The following ATG4B variants were observed in gnomAD, a reference collection of about 807,000 sequenced individuals.
ATG4B encodes the protein autophagy related 4B cysteine peptidase, also known as cysteine protease ATG4B.
ATG4B carries 29 observed loss-of-function variants against 56.6 expected under a neutral mutation model. The observed-to-expected ratio is 0.51, with a 90% CI of 0.38 to 0.70. ATG4B has a LOEUF of 0.70. Among genes scored for constraint, ATG4B ranks in the 30% least tolerant of loss-of-function variants. ATG4B has a pLI of 0.00. For missense variants in ATG4B, 461 were observed against 515.5 expected, an observed-to-expected ratio of 0.89 and a Z score of 1.02; for synonymous variants, 224 against 206.1, an observed-to-expected ratio of 1.09 and a Z score of -0.74.
intron 7 of ATG4B, among the ~76,000 whole-genome samples, chr2:241,665,149 A>G (rs1486276977): frequency 6.6e-6 from 1 of 152,214 alleles, no homozygotes; most frequent in Non-Finnish European, 1.5e-5. Context: ...TCTGTCTCAG[A>G]ATCCTTGTTT....
In ATG4B at chr2:241,668,990, G is replaced by A; in HGVS notation, c.957+305G>A. 2.5e-6 allele frequency: 1 copy of A among 394,518 alleles called. No homozygotes were observed. The highest frequency in any genetic ancestry group is 2.8e-5 in the South Asian group (1 of 35,890). 24.4% of individuals were successfully genotyped at this position (394,518 alleles called of 1,614,324 possible). A position where few individuals can be genotyped will look rare whatever the true frequency, so the allele number is the denominator to read the frequency against. ...CATGGATGAGTGTGAGCCATGGTGA[G>A]TGTGTCCCCCTCACACCTACATTTA... On this transcript the variant is annotated intron_variant, in intron 10 of 12. Transcript: ENST00000404914. The surrounding 1 kb of genome is among the most constrained non-coding windows in gnomAD (Gnocchi z 4.2).
chr2:241,654,190 AGGC>A (rs2125126962), intron 4 of ATG4B, among the ~76,000 whole-genome samples: 1 of 152,200 alleles, frequency 6.6e-6, no homozygotes, highest in Admixed American at 6.5e-5. Flanking sequence ...TGGGATGCCG[AGGC>A]GGGTGGGTCA....
At chr2:241,650,772 A>G (rs1559254272) in intron 1 of ATG4B, among the ~76,000 whole-genome samples, 1 of 151,396 alleles carries the variant, frequency 6.6e-6, no homozygotes, top group Non-Finnish European at 1.5e-5. Flanking sequence ...TGCTGGCCCC[A>G]CCTCCCTGTC....
chr2:241,647,161 C>G (rs751403276), intron 1 of ATG4B, among the ~76,000 whole-genome samples: 51 of 152,204 alleles, frequency 3.4e-4, no homozygotes, highest in Non-Finnish European at 5.6e-4. Flanking sequence ...TAAGGAACAT[C>G]TGTAGTCTAC....
chr2:241,659,926 T>C (rs1014736374), intron 7 of ATG4B, among the ~76,000 whole-genome samples: 3 of 152,174 alleles, frequency 2.0e-5, no homozygotes, highest in Non-Finnish European at 2.9e-5. Flanking sequence ...GCGCGGTGGC[T>C]CATGCCTGTA....
chr2:241,667,917 T>G, intron 8 of ATG4B: 1 of 526,446 alleles, frequency 1.9e-6, no homozygotes, highest in Middle Eastern at 5.2e-4. Flanking sequence ...AGCCCACCTC[T>G]GACATGAAGC....
At chr2:241,670,612 C>T in intron 10 of ATG4B, 114 bp from the exon 11 acceptor site, 1 of 993,644 alleles carries the variant, frequency 1.0e-6, no homozygotes, top group Non-Finnish European at 1.6e-6. Flanking sequence ...GAATGTCCAG[C>T]ACCTGCATGC....
rs751338522 is a variant in ATG4B, at chr2:241,668,255, C to T, written c.811+34C>T. The T allele has an allele frequency of 1.3e-6, 2 of 1,562,484 alleles. No homozygotes were observed. Among genetic ancestry groups the T allele is most frequent in the Admixed American group, 1.9e-5 (1 of 52,582 alleles). ...AGGGTTCCCACCGTGTCCCTGTGGG[C>T]CTGGGCCTTTTAAGGGCATTCCATG... On this transcript the variant is annotated intron_variant, in intron 9 of 12. Coordinates refer to ENST00000404914, the MANE Select transcript of ATG4B (RefSeq NM_013325.5). The surrounding 1 kb of genome is among the most constrained non-coding windows in gnomAD (Gnocchi z 4.2).
chr2:241,655,381 A>C, intron 6 of ATG4B, 38 bp downstream of exon 6: 1 of 1,576,378 alleles, frequency 6.3e-7, no homozygotes, highest in Non-Finnish European at 8.6e-7. Context: ...ATGGGGCAGC[A>C]GGGATGTTCC....
At chr2:241,640,357 G>A (rs2067846573) in intron 1 of ATG4B, among the ~76,000 whole-genome samples, 1 of 152,174 alleles carries the variant, frequency 6.6e-6, no homozygotes, top group Non-Finnish European at 1.5e-5. Flanking sequence ...CTTCTGACTT[G>A]ATGCTGTATT....
In ATG4B at chr2:241,653,580, C is replaced by G. The variant is rs2125126048; in HGVS notation, c.253C>G (p.Gln85Glu). ...MLRCGQMIFA[Q>E]ALVCRHLGRD... ...GCGGTGTGGACAGATGATCTTTGCC[C>G]AAGCCCTGGTGTGCCGGCACCTAGG... The change falls in exon 4 of 13, where the codon CAA becomes GAA. Residue 85 changes from glutamine to glutamate, a missense_variant. Gln to Glu is a conservative substitution (Grantham distance 29). Coordinates refer to ENST00000404914, the MANE Select transcript of ATG4B (RefSeq NM_013325.5). The G allele has an allele frequency of 1.3e-6, 2 of 1,575,690 alleles. No homozygotes were observed. Among genetic ancestry groups the G allele is most frequent in the Non-Finnish European group, 1.7e-6 (2 of 1,160,556 alleles).
chr2:241,666,605 CAG>C, intron 7 of ATG4B, 38 bp from the exon 8 acceptor site: 1 of 1,603,078 alleles, frequency 6.2e-7, no homozygotes, highest in Non-Finnish European at 8.5e-7. Context: ...CACTTTTGCA[CAG>C]GTCTGCTTGG....
Position 241,673,721 on chromosome 2 carries a change from T to C in ATG4B, c.*1457T>C, listed in dbSNP as rs374156435. The C allele has an allele frequency of 6.5e-4, 297 of 455,496 alleles. 1 individual carries two copies. The highest frequency in any genetic ancestry group is 5.1e-3 in the African/African-American group (257 of 50,158). The allele number at this position is 455,496 out of a possible 1,614,324, so 28.2% of individuals were successfully genotyped here. A position where few individuals can be genotyped will look rare whatever the true frequency, so the allele number is the denominator to read the frequency against. On this transcript the variant is annotated 3_prime_UTR_variant, in exon 13 of 13. Transcript: ENST00000404914. ...GCTGTGCTGGGAGCTGCAGTGGTAA[T>C]GTGTGGGACACCTTGACCAAAGGGG...
rs2068965702 is a variant in ATG4B at position 241,671,422 on chromosome 2, C to A, written c.1108+17C>A. 5.0e-6 allele frequency: 8 copies of A among 1,612,896 alleles called. No individual in the cohort carries two copies. The highest frequency in any genetic ancestry group is 1.7e-6 in the Non-Finnish European group (2 of 1,179,630). On this transcript the variant is annotated intron_variant, in intron 12 of 12. Transcript: ENST00000404914. Reference sequence around the variant, plus strand: ...TGTCCCTAGGTGAGAGCTGCCAAGTCCAGGTGGGGTCCCTCGGAGGTACGA... The same window carrying A: ...TGTCCCTAGGTGAGAGCTGCCAAGTACAGGTGGGGTCCCTCGGAGGTACGA...
At chr2:241,641,543 C>CT (rs1405105771) in intron 1 of ATG4B, among the ~76,000 whole-genome samples, 2 of 141,290 alleles carry the variant, frequency 1.4e-5, no homozygotes, top group African/African-American at 5.5e-5. Context: ...GAGCGAGACT[C>CT]TGTCTCAAAA....
intron 1 of ATG4B, among the ~76,000 whole-genome samples, chr2:241,641,862 G>A (rs539761170): frequency 8.9e-4 from 135 of 152,276 alleles, no homozygotes; most frequent in African/African-American, 3.1e-3. Flanking sequence ...ACCACAGTGT[G>A]GCTGTGTTCT....
intron 12 of ATG4B, chr2:241,671,869 T>G (rs2068985922): frequency 3.1e-6 from 4 of 1,299,522 alleles, no homozygotes; most frequent in Non-Finnish European, 3.9e-6. Flanking sequence ...TGTCTCCCTG[T>G]GGGAAACTCT....
At chr2:241,656,604 C>T (rs1442011707) in intron 6 of ATG4B, among the ~76,000 whole-genome samples, 2 of 152,258 alleles carry the variant, frequency 1.3e-5, no homozygotes, top group African/African-American at 2.4e-5. Context: ...GGATGATCCT[C>T]CCCAACCTGC....
In ATG4B at chr2:241,666,633, C is replaced by G; in HGVS notation, c.539-12C>G. On this transcript the variant is annotated splice_polypyrimidine_tract_variant and intron_variant, in intron 7 of 12. Coordinates refer to ENST00000404914, the MANE Select transcript of ATG4B (RefSeq NM_013325.5). The stretch of plus-strand genomic sequence containing the variant: ...GTCTGCTTGGTTAGTGAAAGCATGT[C>G]TCCCTTTCTAGGAAGGTTGTGCAGG... The G allele has an allele frequency of 6.2e-7, 1 of 1,612,820 alleles. No individual in the cohort carries two copies. Among genetic ancestry groups the G allele is most frequent in the Non-Finnish European group, 8.5e-7 (1 of 1,179,586 alleles).
Sources: gnomAD v4.1 joint callset for allele counts (sites outside exome capture counted in the v4.1 genomes callset) on GRCh38, gnomAD v4.1.1 for gene constraint, Gnocchi (gnomAD v3.1) non-coding constraint, MANE v1.5 for transcripts, NCBI Gene and HGNC (gene_info 2026-07-23, HGNC 2026-07-21) for gene names.